FUNDC2: variants seen among roughly 807,000 people sequenced by gnomAD.
The protein encoded by FUNDC2 is FUN14 domain containing 2.
In FUNDC2, 4 loss-of-function variants were observed where a neutral mutation model predicts 15.6. The ratio of observed to expected loss-of-function variants is 0.26; its 90% CI spans 0.13 to 0.59. FUNDC2 has a LOEUF of 0.59. Ranked by LOEUF, FUNDC2 falls within the 20% of genes least tolerant of loss-of-function variation. FUNDC2 has a pLI of 0.90. For synonymous variants in FUNDC2, 44 were observed against 56.9 expected (o/e 0.77, Z 1.02); for missense variants, 98 against 149.7 (o/e 0.65, Z 1.80).
chrX:155,039,649 G>A (rs1557289397), intron 2 of FUNDC2, among the ~76,000 whole-genome samples: 1 of 111,988 alleles, frequency 8.9e-6, no homozygotes, highest in African/African-American at 3.2e-5. Context: ...TCAGTTGACT[G>A]TAAATACGTG....
intron 2 of FUNDC2, among the ~76,000 whole-genome samples, chrX:155,034,358 AGTT>A (rs1391630346): frequency 1.8e-5 from 2 of 112,473 alleles, no homozygotes; most frequent in African/African-American, 6.5e-5. Context: ...CATTGTGTAT[AGTT>A]GTAGTTTCTT....
At position 155,057,014 on chromosome X, in the gene FUNDC2, A is replaced by AG. The variant is rs1378919251; in HGVS notation, c.*2344dup. ...TCTACGACTGTGAGGGTCATGGTTG[A>AG]GGTCAGTATTGCAGGTTGGCCTCAT... On this transcript the variant is annotated 3_prime_UTR_variant, in exon 5 of 5. Transcript: ENST00000369498. The AG allele has an allele frequency of 9.6e-6, 1 of 103,819 alleles. No individual in the cohort carries two copies. Among genetic ancestry groups the AG allele is most frequent in the Non-Finnish European group, 2.0e-5 (1 of 48,942 alleles). 8.6% of individuals were successfully genotyped at this position (103,819 alleles called of 1,213,427 possible). A position where few individuals can be genotyped will look rare whatever the true frequency, so the allele number is the denominator to read the frequency against.
chrX:155,035,194 GTTA>G (rs2073827275), intron 2 of FUNDC2, among the ~76,000 whole-genome samples: 1 of 111,253 alleles, frequency 9.0e-6, no homozygotes, highest in African/African-American at 3.3e-5. Flanking sequence ...ACCTGGAATT[GTTA>G]TTGTGCTCAG....
rs915553865 is a variant in FUNDC2 at position 155,054,744 on chromosome X, C to G, written c.*72C>G. 1.1e-6 allele frequency: 1 copy of G among 898,928 alleles called. No individual in the cohort carries two copies. Among genetic ancestry groups the G allele is most frequent in the Non-Finnish European group, 1.6e-6 (1 of 615,627 alleles). The allele number at this position is 898,928 out of a possible 1,213,427, so 74.1% of individuals were successfully genotyped here. ...GCCTCTACACTCCATCATAGGACAT[C>G]GAGTCCCTCCTCCTCTTCTCCCATG... On this transcript the variant is annotated 3_prime_UTR_variant, in exon 5 of 5. Transcript: ENST00000369498.
chrX:155,052,892 T>A (rs1386003985), intron 4 of FUNDC2, among the ~76,000 whole-genome samples: 3 of 112,157 alleles, frequency 2.7e-5, no homozygotes, highest in South Asian at 3.7e-4. Flanking sequence ...TAAAAAAAAA[T>A]TTTGTAAGAG....
At chrX:155,054,532 A>C (rs2124199997) in intron 4 of FUNDC2, 63 bp from the exon 5 acceptor site, 1 of 1,203,376 alleles carries the variant, frequency 8.3e-7, no homozygotes, top group South Asian at 1.8e-5. Flanking sequence ...TATAATAGAG[A>C]TGATTCTTAA....
At position 155,055,174 on chromosome X, in the gene FUNDC2, A is replaced by G. The variant is rs2073890266; in HGVS notation, c.*502A>G. On this transcript the variant is annotated 3_prime_UTR_variant, in exon 5 of 5. Coordinates refer to ENST00000369498, the MANE Select transcript of FUNDC2 (RefSeq NM_023934.4). ...TTTTACATTACAGAAAGCTATTTAA[A>G]TGTGTTATAATTATGCCGACAAAAT... 1 of 298,463 alleles carries G rather than the reference A, an allele frequency of 3.4e-6. No individual in the cohort carries two copies. The highest frequency in any genetic ancestry group is 5.8e-6 in the Non-Finnish European group (1 of 171,024). 24.6% of individuals were successfully genotyped at this position (298,463 alleles called of 1,213,427 possible).
At chrX:155,048,091 G>A (rs1164424803) in intron 3 of FUNDC2, among the ~76,000 whole-genome samples, 1 of 111,739 alleles carries the variant, frequency 8.9e-6, no homozygotes, top group African/African-American at 3.3e-5. Context: ...TAATTTGAGT[G>A]TGTCCTCTGT....
At chrX:155,032,280 CTTTTTTTTTTT>C (rs200923469) in intron 1 of FUNDC2, among the ~76,000 whole-genome samples, 1 of 62,748 alleles carries the variant, frequency 1.6e-5, no homozygotes, top group African/African-American at 6.6e-5. Context: ...CTGGTGCCTT[CTTTTTTTTTTT>C]TTTTTTTTTT....
In FUNDC2 at chrX:155,059,927, C is replaced by G. The variant is rs1418138197; in HGVS notation, c.*5255C>G. On this transcript the variant is annotated 3_prime_UTR_variant, in exon 5 of 5. Transcript: ENST00000369498. ...TTTGGCCATGTGGAGTGCTCACTCC[C>G]CTTTTGCTTTCTGCCATGGCTGTAA... 9.0e-6 allele frequency: 1 copy of G among 111,236 alleles called. No individual in the cohort carries two copies. Among genetic ancestry groups the G allele is most frequent in the East Asian group, 2.8e-4 (1 of 3,563 alleles). 9.2% of individuals were successfully genotyped at this position (111,236 alleles called of 1,213,427 possible).
rs1466719564 is a variant in FUNDC2 at position 155,057,331 on chromosome X, T to A, written c.*2659T>A. 1 of 111,645 alleles carries A rather than the reference T, an allele frequency of 9.0e-6. No individual in the cohort carries two copies. The highest frequency in any genetic ancestry group is 3.3e-5 in the African/African-American group (1 of 30,708). 9.2% of individuals were successfully genotyped at this position (111,645 alleles called of 1,213,427 possible). ...CGAGATGATTCAAGGACCAGGCAGC[T>A]CCACCTTTCAGTGCACTACTTTCAT... is the stretch of plus-strand genomic sequence containing the variant. On this transcript the variant is annotated 3_prime_UTR_variant, in exon 5 of 5. Transcript: ENST00000369498.
At chrX:155,041,984 G>A (rs1458889417) in intron 2 of FUNDC2, among the ~76,000 whole-genome samples, 62 of 104,507 alleles carry the variant, frequency 5.9e-4, no homozygotes, top group African/African-American at 2.0e-3. Context: ...CAGGAGGATG[G>A]CGTGAACCCG....
Position 155,057,489 on chromosome X carries a change from T to C in FUNDC2, c.*2817T>C, listed in dbSNP as rs2073911023. 8.9e-6 allele frequency: 1 copy of C among 111,817 alleles called. No homozygotes were observed. The highest frequency in any genetic ancestry group is 3.3e-5 in the African/African-American group (1 of 30,632). 9.2% of individuals were successfully genotyped at this position (111,817 alleles called of 1,213,427 possible). A position where few individuals can be genotyped will look rare whatever the true frequency, so the allele number is the denominator to read the frequency against. The stretch of plus-strand genomic sequence containing the variant: ...GGAAGAGCGTTGTCGCTGTATATGG[T>C]CCGCAGAAACTTGACTTGGAATGTG... On this transcript the variant is annotated 3_prime_UTR_variant, in exon 5 of 5. Transcript: ENST00000369498.
At chrX:155,047,395 A>G in intron 3 of FUNDC2, 1 of 342,566 alleles carries the variant, frequency 2.9e-6, no homozygotes, top group Non-Finnish European at 5.9e-6. Flanking sequence ...TTGCAAGGTA[A>G]GTTCTGCATT....
At chrX:155,044,017 G>A (rs782429873) in intron 2 of FUNDC2, among the ~76,000 whole-genome samples, 8 of 112,101 alleles carry the variant, frequency 7.1e-5, no homozygotes, top group Admixed American at 5.7e-4. Flanking sequence ...GCTACTGGAA[G>A]GTTATGAGCA....
intron 2 of FUNDC2, among the ~76,000 whole-genome samples, chrX:155,033,982 T>A (rs2073823626): frequency 8.9e-6 from 1 of 112,511 alleles, no homozygotes; most frequent in Admixed American, 9.4e-5. Flanking sequence ...CAAAAAGTAA[T>A]AGCAAATTTC....
At position 155,026,879 on chromosome X, in the gene FUNDC2, G is replaced by C. The variant is rs1373421914; in HGVS notation, c.-60G>C. Reference sequence around the variant, plus strand: ...GCTGAGCTCTGTGATGTAGCCGCTTGCGGAGACTGCAAGCAGCCGCGGCGC... The same window carrying C: ...GCTGAGCTCTGTGATGTAGCCGCTTCCGGAGACTGCAAGCAGCCGCGGCGC... On this transcript the variant is annotated 5_prime_UTR_variant, in exon 1 of 5. Coordinates refer to ENST00000369498, the MANE Select transcript of FUNDC2 (RefSeq NM_023934.4). 1 of 1,156,834 alleles carries C rather than the reference G, an allele frequency of 8.6e-7. No homozygotes were observed. The highest frequency in any genetic ancestry group is 1.1e-6 in the Non-Finnish European group (1 of 870,169).
intron 2 of FUNDC2, among the ~76,000 whole-genome samples, chrX:155,037,960 C>G (rs1372131601): frequency 9.0e-6 from 1 of 110,498 alleles, no homozygotes; most frequent in Non-Finnish European, 1.9e-5. Context: ...GGTGCAGTGG[C>G]TCACACCTTT....
chrX:155,026,933 G>A lies in FUNDC2; in HGVS notation c.-6G>A. 5.1e-6 allele frequency: 6 copies of A among 1,188,085 alleles called. No individual in the cohort carries two copies. Among genetic ancestry groups the A allele is most frequent in the Non-Finnish European group, 6.8e-6 (6 of 885,926 alleles). On this transcript the variant is annotated 5_prime_UTR_variant, in exon 1 of 5. In the 5' UTR this introduces an upstream ATG that the reference lacks. Transcript: ENST00000369498. ...CGGCCCTCCCTCTTCCGCTGCCGCC[G>A]TGGGAATGGAAACATCTGCCCCACG...
Sources: gnomAD v4.1 joint callset for allele counts (sites outside exome capture counted in the v4.1 genomes callset) on GRCh38, gnomAD v4.1.1 for gene constraint, MANE v1.5 for transcripts, NCBI Gene and HGNC (gene_info 2026-07-23, HGNC 2026-07-21) for gene names.